The following TRPC4 variants were observed in gnomAD, a reference collection of about 807,000 sequenced individuals.
TRPC4 encodes short transient receptor potential channel 4.
Under a neutral mutation model 99.4 loss-of-function variants are expected in TRPC4, and 49 were observed. The observed-to-expected ratio is 0.49, with a 90% CI of 0.39 to 0.63. The LOEUF (loss-of-function observed/expected upper bound fraction) is 0.63. TRPC4 is among the 20% of genes least tolerant of loss of function. The pLI, the probability that TRPC4 is intolerant of heterozygous loss-of-function variation, is 0.00. For synonymous variants in TRPC4, 454 were observed against 425.9 expected (o/e 1.07, Z -0.81); for missense variants, 898 against 1,152.9 (o/e 0.78, Z 3.20).
intron 1 of TRPC4, among the ~76,000 whole-genome samples, chr13:37,829,647 A>G: frequency 6.6e-6 from 1 of 152,210 alleles, no homozygotes; most frequent in East Asian, 1.9e-4. Context: ...TTCTAGATAT[A>G]CACTCAAATT....
chr13:37,649,762 A>AAAAAAAAAAAAAAAAT (rs1951979285), intron 8 of TRPC4, among the ~76,000 whole-genome samples: 1 of 63,140 alleles, frequency 1.6e-5, no homozygotes, highest in East Asian at 1.1e-3. Flanking sequence ...AAAAAAAAAC[A>AAAAAAAAAAAAAAAAT]ACAACAAAGA....
chr13:37,829,616 C>G (rs1958353260), intron 1 of TRPC4, among the ~76,000 whole-genome samples: 1 of 152,126 alleles, frequency 6.6e-6, no homozygotes. Context: ...ATAGAATTAC[C>G]ACATGACCCA....
chr13:37,805,910 A>C (rs1469892997), intron 1 of TRPC4, among the ~76,000 whole-genome samples: 3 of 152,054 alleles, frequency 2.0e-5, no homozygotes, highest in South Asian at 2.1e-4. Context: ...CTTATTGAGA[A>C]AAAAAAGAAA....
intron 2 of TRPC4, among the ~76,000 whole-genome samples, chr13:37,779,407 T>G (rs1593722543): frequency 6.6e-6 from 1 of 151,284 alleles, no homozygotes; most frequent in African/African-American, 2.4e-5. Context: ...AGAAATAAGC[T>G]ATTACTCTTC....
At chr13:37,660,018 T>C (rs1210687675) in intron 6 of TRPC4, among the ~76,000 whole-genome samples, 2 of 152,104 alleles carry the variant, frequency 1.3e-5, no homozygotes, top group African/African-American at 2.4e-5. Context: ...AGGATAGAAA[T>C]TGGTGCTAGT....
At chr13:37,668,009 T>C (rs892175726) in intron 5 of TRPC4, among the ~76,000 whole-genome samples, 4 of 152,204 alleles carry the variant, frequency 2.6e-5, no homozygotes, top group Admixed American at 2.6e-4. Flanking sequence ...GTTTACAACA[T>C]GGTGAAGTCA....
At chr13:37,698,968 G>A (rs1176134709) in intron 3 of TRPC4, among the ~76,000 whole-genome samples, 1 of 152,110 alleles carries the variant, frequency 6.6e-6, no homozygotes, top group Non-Finnish European at 1.5e-5. Context: ...TGACTCCAAA[G>A]TTATATGGCA....
intron 6 of TRPC4, among the ~76,000 whole-genome samples, chr13:37,657,378 CTT>C (rs966826185): frequency 6.6e-6 from 1 of 152,218 alleles, no homozygotes; most frequent in African/African-American, 2.4e-5. Context: ...TAAAGCTACT[CTT>C]TGAAAATTTC....
intron 1 of TRPC4, among the ~76,000 whole-genome samples, chr13:37,789,261 T>G (rs143747616): frequency 6.6e-6 from 1 of 152,312 alleles, no homozygotes; most frequent in Non-Finnish European, 1.5e-5. Flanking sequence ...ACTGTAACTC[T>G]AAGCCTCTTA....
chr13:37,807,911 C>T (rs1023337850), intron 1 of TRPC4, among the ~76,000 whole-genome samples: 9 of 152,054 alleles, frequency 5.9e-5, no homozygotes, highest in Non-Finnish European at 1.5e-5. Flanking sequence ...TGTGATTTTA[C>T]TTATTTTCAA....
At chr13:37,790,809 A>C (rs1026847585) in intron 1 of TRPC4, among the ~76,000 whole-genome samples, 1 of 152,120 alleles carries the variant, frequency 6.6e-6, no homozygotes, top group African/African-American at 2.4e-5. Flanking sequence ...TACCGTTGCA[A>C]GTTCTATTGA....
chr13:37,737,856 A>T (rs1161068660), intron 3 of TRPC4, among the ~76,000 whole-genome samples: 1 of 152,156 alleles, frequency 6.6e-6, no homozygotes, highest in East Asian at 1.9e-4. Flanking sequence ...TTTTCCCCAC[A>T]GTTCTTATAC....
intron 2 of TRPC4, among the ~76,000 whole-genome samples, chr13:37,749,752 T>C (rs1955880731): frequency 6.6e-6 from 1 of 152,168 alleles, no homozygotes; most frequent in African/African-American, 2.4e-5. Flanking sequence ...TCTTCTCCTT[T>C]TTGTTGTTGG....
intron 3 of TRPC4, among the ~76,000 whole-genome samples, chr13:37,728,841 C>T (rs1012518436): frequency 1.3e-5 from 2 of 152,014 alleles, no homozygotes; most frequent in Admixed American, 1.3e-4. Context: ...ACATAATCAC[C>T]AGTGAAATAG....
At chr13:37,778,174 G>A (rs560364070) in intron 2 of TRPC4, among the ~76,000 whole-genome samples, 1 of 152,186 alleles carries the variant, frequency 6.6e-6, no homozygotes, top group East Asian at 1.9e-4. Context: ...AATCGATGCA[G>A]TGGCTAAAGC....
intron 1 of TRPC4, among the ~76,000 whole-genome samples, chr13:37,793,382 C>G (rs1204222204): frequency 6.6e-6 from 1 of 151,622 alleles, no homozygotes; most frequent in African/African-American, 2.4e-5. Context: ...GTGTGCTGCA[C>G]CTATTAACTC....
chr13:37,858,929 G>A (rs1593333440), intron 1 of TRPC4, among the ~76,000 whole-genome samples: 1 of 151,130 alleles, frequency 6.6e-6, no homozygotes, highest in Non-Finnish European at 1.5e-5. Context: ...AACTAAAAGG[G>A]CATAAATGGA....
intron 1 of TRPC4, among the ~76,000 whole-genome samples, chr13:37,789,488 A>G (rs1957056858): frequency 6.6e-6 from 1 of 152,186 alleles, no homozygotes; most frequent in South Asian, 2.1e-4. Flanking sequence ...GAGATTGTGA[A>G]GTAAACAGTT....
intron 1 of TRPC4, among the ~76,000 whole-genome samples, chr13:37,817,567 G>A (rs1034168682): frequency 7.3e-5 from 11 of 151,722 alleles, no homozygotes; most frequent in African/African-American, 2.7e-4. Flanking sequence ...GAATAACCAA[G>A]GCAATACTAA....
Sources: gnomAD v4.1 joint callset for allele counts (sites outside exome capture counted in the v4.1 genomes callset) on GRCh38, gnomAD v4.1.1 for gene constraint, MANE v1.5 for transcripts, NCBI Gene and HGNC (gene_info 2026-07-23, HGNC 2026-07-21) for gene names.